Variants in DOCK10 observed in about 807,000 individuals in gnomAD.
The protein encoded by DOCK10 is dedicator of cytokinesis 10.
In DOCK10, 145 loss-of-function variants were observed where a neutral mutation model predicts 280.1. The ratio of observed to expected loss-of-function variants is 0.52; its 90% CI spans 0.45 to 0.59. The LOEUF (loss-of-function observed/expected upper bound fraction) is 0.59. Among genes scored for constraint, DOCK10 ranks in the 20% least tolerant of loss-of-function variants. The pLI is 0.00. For missense variants in DOCK10, 2,368 were observed against 2,651.7 expected, an observed-to-expected ratio of 0.89 and a Z score of 2.35; for synonymous variants, 915 against 942.2, an observed-to-expected ratio of 0.97 and a Z score of 0.53.
chr2:225,024,829 T>C (rs946352514), intron 1 of DOCK10, among the ~76,000 whole-genome samples: 6 of 152,020 alleles, frequency 3.9e-5, no homozygotes, highest in South Asian at 4.1e-4. Flanking sequence ...AGGTGGAGGT[T>C]GCATGAGCTG....
At chr2:224,825,720 T>C (rs149790045) in intron 27 of DOCK10, among the ~76,000 whole-genome samples, 6 of 152,344 alleles carry the variant, frequency 3.9e-5, no homozygotes, top group African/African-American at 1.4e-4. Flanking sequence ...AATAAATATA[T>C]GAGTACTTTT....
rs367568444 is a variant in DOCK10, at chr2:224,841,817, A to G, written c.2648T>C (p.Ile883Thr). 6.8e-6 allele frequency: 11 copies of G among 1,610,842 alleles called. No individual in the cohort carries two copies. The highest frequency in any genetic ancestry group is 5.0e-5 in the Admixed American group (3 of 59,996). The change falls in exon 23 of 56, where the codon ATC becomes ACC. Residue 883 changes from isoleucine to threonine, a missense_variant. By Grantham distance (89) the Ile-to-Thr change is moderately conservative (BLOSUM62 -1). Transcript: ENST00000258390. ...DMSQSPTSNFIRSCKNLLNVE... is the reference protein window; with the variant it reads ...DMSQSPTSNFTRSCKNLLNVE... Reference sequence around the variant, plus strand: ...ATGTCATGTTACCTTACAAGAGCGGATGAAATTTGAGGTAGGTGACTGAGA... The same window carrying G: ...ATGTCATGTTACCTTACAAGAGCGGGTGAAATTTGAGGTAGGTGACTGAGA...
chr2:224,870,717 A>C (rs553417898), intron 11 of DOCK10, among the ~76,000 whole-genome samples: 1 of 146,778 alleles, frequency 6.8e-6, no homozygotes, highest in South Asian at 2.2e-4. Context: ...CCCCTTCTCT[A>C]TGGTCATAGA....
intron 1 of DOCK10, among the ~76,000 whole-genome samples, chr2:225,036,532 T>C (rs769004174): frequency 6.6e-6 from 1 of 152,212 alleles, no homozygotes; most frequent in Non-Finnish European, 1.5e-5. Context: ...TAGGGGATCT[T>C]ATTAAAATGC....
At chr2:224,940,983 G>A (rs1238157682) in intron 1 of DOCK10, among the ~76,000 whole-genome samples, 1 of 151,874 alleles carries the variant, frequency 6.6e-6, no homozygotes, top group South Asian at 2.1e-4. Flanking sequence ...TAATTCATAT[G>A]TGTTTTCTTG....
chr2:224,895,031 C>A (rs1699901542), intron 4 of DOCK10, among the ~76,000 whole-genome samples: 2 of 152,204 alleles, frequency 1.3e-5, no homozygotes, highest in African/African-American at 4.8e-5. Flanking sequence ...AAGCTCTAGC[C>A]TTCCTGACTC....
intron 30 of DOCK10, among the ~76,000 whole-genome samples, chr2:224,816,291 A>G (rs1399470724): frequency 6.6e-6 from 1 of 151,014 alleles, no homozygotes; most frequent in African/African-American, 2.4e-5. Flanking sequence ...ATGAAAGGAA[A>G]GCTGTCTTTT....
intron 51 of DOCK10, among the ~76,000 whole-genome samples, chr2:224,776,437 C>T (rs796869964): frequency 5.9e-5 from 9 of 152,206 alleles, no homozygotes; most frequent in African/African-American, 2.2e-4. Flanking sequence ...CTCATCCCCC[C>T]ACGCTGCCCC....
intron 19 of DOCK10, among the ~76,000 whole-genome samples, chr2:224,848,898 A>G (rs2125521048): frequency 6.6e-6 from 1 of 152,360 alleles, no homozygotes; most frequent in Non-Finnish European, 1.5e-5. Flanking sequence ...AATAAAAGAA[A>G]AAAAATTATT....
chr2:224,817,377 A>G (rs1694198101), intron 29 of DOCK10, among the ~76,000 whole-genome samples: 1 of 152,238 alleles, frequency 6.6e-6, no homozygotes, highest in African/African-American at 2.4e-5. Context: ...ACTCTCATGC[A>G]TGCTAAGTAA....
intron 11 of DOCK10, among the ~76,000 whole-genome samples, chr2:224,865,855 T>A (rs13400467): frequency 0.023 from 3,408 of 148,396 alleles, 106 homozygotes; most frequent in African/African-American, 0.069. Flanking sequence ...TCTCTCTCTC[T>A]CACACACACA....
At chr2:224,777,111 C>T (rs964551978) in intron 51 of DOCK10, among the ~76,000 whole-genome samples, 11 of 152,122 alleles carry the variant, frequency 7.2e-5, no homozygotes, top group South Asian at 2.1e-4. Flanking sequence ...GCTAACTGAA[C>T]GACAGTGTGT....
At chr2:224,876,599 C>T (rs1698646542) in intron 7 of DOCK10, among the ~76,000 whole-genome samples, 2 of 152,194 alleles carry the variant, frequency 1.3e-5, no homozygotes, top group Non-Finnish European at 2.9e-5. Flanking sequence ...TATCGCATCC[C>T]AGAGGCAGCT....
chr2:224,949,258 A>G (rs1428875112), intron 1 of DOCK10, among the ~76,000 whole-genome samples: 1 of 152,224 alleles, frequency 6.6e-6, no homozygotes, highest in East Asian at 1.9e-4. Context: ...TTTCTGCTTT[A>G]GTTTTAGAAA....
Position 224,839,960 on chromosome 2 carries a change from A to G in DOCK10, c.2774T>C (p.Val925Ala), listed in dbSNP as rs1695848731. The G allele has an allele frequency of 2.7e-6, 4 of 1,475,662 alleles. No homozygotes were observed. The highest frequency in any genetic ancestry group is 3.7e-6 in the Non-Finnish European group (4 of 1,080,214). The allele number at this position is 1,475,662 out of a possible 1,614,324, so 91.4% of individuals were successfully genotyped here. Residue 925 changes from valine (V) to alanine (A), a missense_variant, in exon 24 of 56, where the codon GTC becomes GCC. By Grantham distance (64) the Val-to-Ala change is moderately conservative (BLOSUM62 0). This residue lies in a region of DOCK10 where 1,209 missense variants were observed against 1,250.9 expected (regional missense o/e 0.97). Transcript: ENST00000258390. ...QNEEDEITTT[V>A]TRVLTDIVAK... The stretch of plus-strand genomic sequence containing the variant: ...AAGGTTGTGTTATGGATACCTGGTG[A>G]CAGTTGTAGTTATTTCATCTTCCTC...
At chr2:224,879,321 G>A (rs1283863220) in intron 7 of DOCK10, among the ~76,000 whole-genome samples, 2 of 152,150 alleles carry the variant, frequency 1.3e-5, no homozygotes, top group Admixed American at 6.6e-5. Context: ...ATGTTCTGAC[G>A]AAGAAGGGCT....
chr2:224,839,954 C>G lies in DOCK10; in HGVS notation c.2780G>C (p.Arg927Thr). 7.0e-7 allele frequency: 1 copy of G among 1,436,178 alleles called. No individual in the cohort carries two copies. Among genetic ancestry groups the G allele is most frequent in the Non-Finnish European group, 9.6e-7 (1 of 1,046,114 alleles). The allele number at this position is 1,436,178 out of a possible 1,614,324, so 89.0% of individuals were successfully genotyped here. The change falls in exon 24 of 56, where the codon AGG becomes ACG. Residue 927 changes from arginine (R) to threonine (T), a missense_variant and splice_region_variant. Coordinates refer to ENST00000258390, the MANE Select transcript of DOCK10 (RefSeq NM_014689.3). ...CCTCTTAAGGTTGTGTTATGGATACCTGGTGACAGTTGTAGTTATTTCATC... is the reference window on the plus strand; with the variant it reads ...CCTCTTAAGGTTGTGTTATGGATACGTGGTGACAGTTGTAGTTATTTCATC... ...EEDEITTTVT[R>T]VLTDIVAKCH...
intron 11 of DOCK10, among the ~76,000 whole-genome samples, chr2:224,866,090 C>A (rs1239261312): frequency 6.6e-6 from 1 of 152,210 alleles, no homozygotes; most frequent in African/African-American, 2.4e-5. Flanking sequence ...GTGCAACTCA[C>A]ATGCCCCTTT....
intron 1 of DOCK10, among the ~76,000 whole-genome samples, chr2:224,947,811 C>T (rs987472327): frequency 6.6e-6 from 1 of 152,164 alleles, no homozygotes; most frequent in Non-Finnish European, 1.5e-5. Flanking sequence ...TCTTCCTCTA[C>T]CAGGCTGTAT....
Sources: allele counts gnomAD v4.1 joint callset (sites outside exome capture counted in the v4.1 genomes callset), GRCh38; gene constraint gnomAD v4.1.1; regional missense constraint gnomAD v4.1.1; transcripts MANE v1.5; gene names NCBI Gene and HGNC (gene_info 2026-07-23, HGNC 2026-07-21).